TRPM3: variants seen among roughly 807,000 people sequenced by gnomAD.
TRPM3 encodes the protein long transient receptor potential channel 3.
In TRPM3, 77 loss-of-function variants were observed where a neutral mutation model predicts 181.2. That is an observed-to-expected ratio of 0.42 (90% CI 0.35 to 0.51). The LOEUF (loss-of-function observed/expected upper bound fraction) is 0.51, where lower values mean the gene tolerates loss of function less well. Among genes scored for constraint, TRPM3 ranks in the 20% least tolerant of loss-of-function variants. TRPM3 has a pLI of 0.01. For missense variants in TRPM3, 1,759 were observed against 2,196.7 expected (o/e 0.80, Z 3.98); for synonymous variants, 745 against 796.4 (o/e 0.94, Z 1.09).
chr9:70,903,958 A>T (rs2096424990), intron 1 of TRPM3, among the ~76,000 whole-genome samples: 1 of 152,206 alleles, frequency 6.6e-6, no homozygotes, highest in African/African-American at 2.4e-5. Context: ...ATAAAAAAAA[A>T]AATACTGTAA....
Position 71,009,376 on chromosome 9 carries a change from A to G in TRPM3, c.177+111802T>C, listed in dbSNP as rs141523380. Among the ~76,000 whole-genome samples, 51 of 152,354 alleles carry G rather than the reference A, an allele frequency of 3.3e-4. No homozygotes were observed. The East Asian group carries it at 5.2e-3, about 16-fold the overall frequency. ...CTTCACCAAAAAACTGGTATAACTC[A>G]TAAAAAAATTCAGTAAAGTTGCAGG... On this transcript the variant is annotated intron_variant, in intron 1 of 25. Coordinates refer to ENST00000677713, the MANE Select transcript of TRPM3 (RefSeq NM_001366145.2).
At chr9:70,771,744 C>T (rs2080310497) in intron 7 of TRPM3, among the ~76,000 whole-genome samples, 1 of 152,190 alleles carries the variant, frequency 6.6e-6, no homozygotes, top group Non-Finnish European at 1.5e-5. Context: ...CTTCTCCCCT[C>T]CCCTCAGTGC....
At chr9:70,743,346 A>G (rs902788663) in intron 8 of TRPM3, among the ~76,000 whole-genome samples, 2 of 152,166 alleles carry the variant, frequency 1.3e-5, no homozygotes, top group African/African-American at 4.8e-5. Flanking sequence ...TTTTTCTTCA[A>G]ATTAATTCCC....
chr9:71,300,081 A>G (rs1316738035), intron 1 of TRPM3, among the ~76,000 whole-genome samples: 3 of 152,176 alleles, frequency 2.0e-5, no homozygotes, highest in East Asian at 1.9e-4. Context: ...TTGGAGCTGT[A>G]AAGAACCAAG....
intron 1 of TRPM3, among the ~76,000 whole-genome samples, chr9:71,249,952 G>T (rs2082247655): frequency 6.6e-6 from 1 of 152,206 alleles, no homozygotes; most frequent in Admixed American, 6.5e-5. Context: ...GTGGTCAATT[G>T]TGAGAATCAT....
intron 1 of TRPM3, among the ~76,000 whole-genome samples, chr9:70,888,984 T>A (rs761975070): frequency 5.9e-5 from 9 of 152,136 alleles, no homozygotes; most frequent in Non-Finnish European, 1.0e-4. Context: ...ACATAACAGA[T>A]GTCAACAAAA....
intron 1 of TRPM3, among the ~76,000 whole-genome samples, chr9:71,419,206 T>C (rs2093688707): frequency 6.6e-6 from 1 of 151,832 alleles, no homozygotes; most frequent in Non-Finnish European, 1.5e-5. Context: ...AAAGGCCTTA[T>C]TGTTAGGATT....
intron 22 of TRPM3, among the ~76,000 whole-genome samples, chr9:70,557,569 C>T (rs2048027221): frequency 6.6e-6 from 1 of 152,176 alleles, no homozygotes; most frequent in Non-Finnish European, 1.5e-5. Flanking sequence ...TGATAAGCAG[C>T]AGATTCCAGG....
At chr9:70,688,778 T>C (rs1006757976) in intron 8 of TRPM3, among the ~76,000 whole-genome samples, 1 of 152,130 alleles carries the variant, frequency 6.6e-6, no homozygotes, top group Admixed American at 6.5e-5. Context: ...GACATGTGCA[T>C]TTAAGAAGCT....
chr9:70,537,422 G>A lies in TRPM3; in HGVS notation c.3708-17C>T. 3 of 1,432,332 alleles carry A rather than the reference G, an allele frequency of 2.1e-6. No homozygotes were observed. Among genetic ancestry groups the A allele is most frequent in the South Asian group, 1.7e-5 (1 of 57,866 alleles). The allele number at this position is 1,432,332 out of a possible 1,614,324, so 88.7% of individuals were successfully genotyped here. ...TTCTCCACCCTGCGCGAGGAAGAGA[G>A]AATGAGAGTCACTCGGCCTGGTTCC... is the stretch of plus-strand genomic sequence containing the variant. On this transcript the variant is annotated splice_polypyrimidine_tract_variant and intron_variant, in intron 25 of 25. Transcript: ENST00000677713.
chr9:70,565,162 G>C (rs1219581875), intron 22 of TRPM3, among the ~76,000 whole-genome samples: 2 of 152,222 alleles, frequency 1.3e-5, no homozygotes, highest in Admixed American at 6.5e-5. Flanking sequence ...CTAGGAATAT[G>C]ATAAAATAGT....
intron 1 of TRPM3, among the ~76,000 whole-genome samples, chr9:70,915,390 T>C (rs376732969): frequency 3.3e-5 from 5 of 151,724 alleles, no homozygotes; most frequent in Middle Eastern, 3.4e-3. Context: ...CTTCACCTCC[T>C]GGGTTCCCAC....
At chr9:70,920,605 A>C (rs565139965) in intron 1 of TRPM3, among the ~76,000 whole-genome samples, 1 of 152,306 alleles carries the variant, frequency 6.6e-6, no homozygotes, top group African/African-American at 2.4e-5. Context: ...ATGCACCATC[A>C]AAAAGAATCC....
At chr9:70,744,726 C>A (rs2074831800) in intron 8 of TRPM3, among the ~76,000 whole-genome samples, 1 of 152,128 alleles carries the variant, frequency 6.6e-6, no homozygotes, top group Non-Finnish European at 1.5e-5. Context: ...TACCAGCCAA[C>A]AAAATGGTCT....
intron 1 of TRPM3, among the ~76,000 whole-genome samples, chr9:71,140,282 A>G (rs938736546): frequency 3.9e-5 from 6 of 152,164 alleles, no homozygotes; most frequent in African/African-American, 1.4e-4. Context: ...ACTGAAAGAC[A>G]AAAAAAGTTC....
At chr9:70,996,590 T>C (rs1478066465) in intron 1 of TRPM3, among the ~76,000 whole-genome samples, 1 of 152,234 alleles carries the variant, frequency 6.6e-6, no homozygotes, top group Admixed American at 6.5e-5. Context: ...CAGTGAATCG[T>C]TGGCTAAATC....
chr9:71,065,853 C>T (rs1307048922), intron 1 of TRPM3, among the ~76,000 whole-genome samples: 1 of 152,096 alleles, frequency 6.6e-6, no homozygotes, highest in Non-Finnish European at 1.5e-5. Context: ...CAACACAATA[C>T]GTGTGAGCCT....
chr9:71,095,188 C>A (rs1442002991), intron 1 of TRPM3, among the ~76,000 whole-genome samples: 1 of 152,170 alleles, frequency 6.6e-6, no homozygotes, highest in Non-Finnish European at 1.5e-5. Flanking sequence ...TGTCTGATTA[C>A]ATTTGGCTGT....
intron 11 of TRPM3, among the ~76,000 whole-genome samples, chr9:70,635,638 T>G (rs2057060766): frequency 1.3e-5 from 2 of 151,620 alleles, no homozygotes; most frequent in Non-Finnish European, 2.9e-5. Context: ...AAATTTTTTT[T>G]TTTTTAAAGA....
Sources: allele counts gnomAD v4.1 joint callset (sites outside exome capture counted in the v4.1 genomes callset), GRCh38; gene constraint gnomAD v4.1.1; transcripts MANE v1.5; gene names NCBI Gene and HGNC (gene_info 2026-07-23, HGNC 2026-07-21).